The following TTN variants were observed in gnomAD, a reference collection of about 807,000 sequenced individuals.
The protein encoded by TTN is connectin.
TTN carries 1,525 observed loss-of-function variants against 3,223.0 expected under a neutral mutation model. That is an observed-to-expected ratio of 0.47 (90% CI 0.45 to 0.49). The LOEUF (loss-of-function observed/expected upper bound fraction) is 0.49, where lower values mean the gene tolerates loss of function less well. Among genes scored for constraint, TTN ranks in the 20% least tolerant of loss-of-function variants. TTN has a pLI of 0.00. For synonymous variants in TTN, 14,094 were observed against 15,161.0 expected (o/e 0.93, Z 5.17); for missense variants, 40,786 against 43,424.0 (o/e 0.94, Z 5.40).
At position 178,696,128 on chromosome 2, in the gene TTN, T is replaced by A; in HGVS notation, c.30944A>T (p.Glu10315Val). 1 of 1,552,296 alleles carries A rather than the reference T, an allele frequency of 6.4e-7. No individual in the cohort carries two copies. Among genetic ancestry groups the A allele is most frequent in the Non-Finnish European group, 8.7e-7 (1 of 1,147,042 alleles). ...TTCGTCATAAGGTTCTTCGAAAGAT[T>A]CAATGAAGACTCTCTTCTCCTTGTG... ...AVHKEKRVFI[E>V]SFEEPYDELE... Residue 10315 changes from glutamate (E) to valine (V), a missense_variant, in exon 114 of 363, where the codon GAA (glutamate) becomes GTA (valine). By Grantham distance (121) the Glu-to-Val change is moderately radical. Transcript: ENST00000589042.
At chr2:178,778,415 A>ATGCGG in intron 24 of TTN, 1 of 237,132 alleles carries the variant, frequency 4.2e-6, no homozygotes, top group South Asian at 6.1e-5. Context: ...GAATTTGGAA[A>ATGCGG]CAAAACAAAG....
At chr2:178,599,978 G>T in intron 288 of TTN, 128 bp from the exon 289 acceptor site, 1 of 849,332 alleles carries the variant, frequency 1.2e-6, no homozygotes, top group Non-Finnish European at 1.7e-6. Flanking sequence ...CCAATATAAA[G>T]AATGGTTCTG....
rs201652675 is a variant in TTN, at chr2:178,741,648, G to C, written c.11585C>G (p.Pro3862Arg). Reference sequence around the variant, plus strand: ...AAAAACAAATTTGTAGTCAGCAGAAGGGGTTAATAGCACTCCATTAAAGAA... The same window carrying C: ...AAAAACAAATTTGTAGTCAGCAGAACGGGTTAATAGCACTCCATTAAAGAA... ...QWFFNGVLLT[P>R]SADYKFVFDG... Residue 3862 changes from proline to arginine, a missense_variant, in exon 48 of 363, where the codon CCT becomes CGT. Pro to Arg is a moderately radical substitution (Grantham distance 103). Transcript: ENST00000589042. 115 of 1,613,726 alleles carry C rather than the reference G, an allele frequency of 7.1e-5. No individual in the cohort carries two copies. Among genetic ancestry groups the C allele is most frequent in the Non-Finnish European group, 9.7e-5 (115 of 1,179,798 alleles).
rs1703558085 is a variant in TTN at position 178,561,244 on chromosome 2, A to G, written c.84888T>C (p.Asp28296=). Reference sequence around the variant, plus strand: ...TATAATTGCACTTCAGCCACCGGCCATCTGGTAGTTCTCTGCGTTCAACAA... The same window carrying G: ...TATAATTGCACTTCAGCCACCGGCCGTCTGGTAGTTCTCTGCGTTCAACAA... ...GYIVERRELP[D]GRWLKCNYTN... Residue 28296 remains aspartate, a synonymous_variant, in exon 326 of 363, where the codon GAT becomes GAC. Coordinates refer to ENST00000589042, the MANE Select transcript of TTN (RefSeq NM_001267550.2). The G allele has an allele frequency of 6.2e-7, 1 of 1,613,782 alleles. No homozygotes were observed. The highest frequency in any genetic ancestry group is 8.5e-7 in the Non-Finnish European group (1 of 1,179,814).
At position 178,779,547 on chromosome 2, in the gene TTN, T is replaced by C. The variant is rs1337757412; in HGVS notation, c.3730-85A>G. On this transcript the variant is annotated intron_variant, in intron 22 of 362. Transcript: ENST00000589042. ...AGGAGATGTATCTGAGCTAGACTGT[T>C]GAAGTTTTTAGCTGGGAGAAGAATC... The C allele has an allele frequency of 5.3e-6, 5 of 949,834 alleles. No homozygotes were observed. The African/African-American group carries it at 8.4e-5, about 16-fold the overall frequency. 58.8% of individuals were successfully genotyped at this position (949,834 alleles called of 1,614,324 possible).
In TTN at chr2:178,788,645, A is replaced by G. The variant is rs1295155659; in HGVS notation, c.2076+715T>C. 2.0e-5 allele frequency among the ~76,000 whole-genome samples: 3 copies of G among 152,120 alleles called. No individual in the cohort carries two copies. The East Asian group carries it at 5.8e-4, about 29-fold the overall frequency. The stretch of plus-strand genomic sequence containing the variant: ...GTGGTATATTAGCAATAAAGAATAC[A>G]ATTAGGTAAATGGCTCATTTGGAGT... On this transcript the variant is annotated intron_variant, in intron 13 of 362. Coordinates refer to ENST00000589042, the MANE Select transcript of TTN (RefSeq NM_001267550.2).
rs777832511 is a variant in TTN, at chr2:178,715,715, T to G, written c.25699A>C (p.Thr8567Pro). The G allele has an allele frequency of 6.2e-7, 1 of 1,604,132 alleles. No homozygotes were observed. The highest frequency in any genetic ancestry group is 1.1e-5 in the South Asian group (1 of 89,666). Residue 8567 changes from threonine (T) to proline (P), a missense_variant, in exon 89 of 363, where the codon ACA (threonine) becomes CCA (proline). Physicochemically the swap from Thr to Pro is conservative, Grantham distance 38 (BLOSUM62 -1). Transcript: ENST00000589042. Reference protein sequence around the residue: ...PSRIVKQDEFTRYECKIGGSP... With the variant: ...PSRIVKQDEFPRYECKIGGSP... ...CCACCGATTTTGCATTCATACCTTG[T>G]GAATTCATCCTGTTTCACAATTCTT...
In TTN at chr2:178,571,951, T is replaced by C. The variant is rs374889737; in HGVS notation, c.74181A>G (p.Val24727=). The change falls in exon 326 of 363, where the codon GTA becomes GTG. Residue 24727 remains valine (V), a synonymous_variant. Transcript: ENST00000589042. ...CAACTTTTAGGTCTTCACCTGCCAG[T>C]ACAGTGAAAGTATTGAACAGGAGTT... ...AFKLLFNTFT[V]LAGEDLKVDV... 1.2e-6 allele frequency: 2 copies of C among 1,613,220 alleles called. No individual in the cohort carries two copies. Among genetic ancestry groups the C allele is most frequent in the Non-Finnish European group, 1.7e-6 (2 of 1,179,610 alleles).
In TTN at chr2:178,612,333, A is replaced by G; in HGVS notation, c.50192T>C (p.Ile16731Thr). 1 of 1,612,568 alleles carries G rather than the reference A, an allele frequency of 6.2e-7. No homozygotes were observed. The highest frequency in any genetic ancestry group is 8.5e-7 in the Non-Finnish European group (1 of 1,179,176). ...YVFRVAAENA[I>T]GQSDYTEIED... ...AATTTCGGTGTAGTCGCTTTGTCCT[A>G]TAGCATTTTCTGCAGCAACTCGGAA... The change falls in exon 266 of 363, where the codon ATA becomes ACA. Residue 16731 changes from isoleucine (I) to threonine (T), a missense_variant. Ile to Thr is a moderately conservative substitution (Grantham distance 89). Coordinates refer to ENST00000589042, the MANE Select transcript of TTN (RefSeq NM_001267550.2).
chr2:178,719,253 A>G lies in TTN; in HGVS notation c.24137T>C (p.Leu8046Ser), dbSNP rs1553904761. 2 of 1,613,736 alleles carry G rather than the reference A, an allele frequency of 1.2e-6. No individual in the cohort carries two copies. Among genetic ancestry groups the G allele is most frequent in the Middle Eastern group, 1.7e-4 (1 of 6,056 alleles). Residue 8046 changes from leucine to serine, a missense_variant, in exon 83 of 363, where the codon TTG becomes TCG. Leu to Ser is a moderately radical substitution (Grantham distance 145). Coordinates refer to ENST00000589042, the MANE Select transcript of TTN (RefSeq NM_001267550.2). ...TATGCCTGTGTCGGAGGGCTCCAAC[A>G]AGCTCAGATTCAAAGTACAGACGTT... is the stretch of plus-strand genomic sequence containing the variant. ...SENVCTLNLS[L>S]LEPSDTGIYT...
At position 178,560,882 on chromosome 2, in the gene TTN, A is replaced by G; in HGVS notation, c.85250T>C (p.Val28417Ala). ...AGTGTCTCGTCTTATACAGTCTTTA[A>G]CTGTTAACAAAGTATGATTGTCTGT... is the stretch of plus-strand genomic sequence containing the variant. ...ISTDNHTLLT[V>A]KDCIRRDTGQ... is the part of the protein sequence containing the mutation. The change falls in exon 326 of 363, where the codon GTT becomes GCT. Residue 28417 changes from valine to alanine, a missense_variant. By Grantham distance (64) the Val-to-Ala change is moderately conservative. Coordinates refer to ENST00000589042, the MANE Select transcript of TTN (RefSeq NM_001267550.2). The G allele has an allele frequency of 1.2e-6, 2 of 1,613,688 alleles. No individual in the cohort carries two copies. Among genetic ancestry groups the G allele is most frequent in the South Asian group, 1.1e-5 (1 of 91,072 alleles).
intron 117 of TTN, among the ~76,000 whole-genome samples, chr2:178,694,354 C>T (rs966685518): frequency 1.3e-5 from 2 of 152,106 alleles, no homozygotes; most frequent in East Asian, 3.9e-4. Context: ...TAGCAAACTA[C>T]TAATTAAACA....
intron 208 of TTN, 124 bp from the exon 209 acceptor site, chr2:178,650,958 G>T: frequency 9.5e-7 from 1 of 1,050,824 alleles, no homozygotes; most frequent in Non-Finnish European, 1.4e-6. Context: ...TTCACAATAA[G>T]GTCAGTGATC....
intron 300 of TTN, 44 bp downstream of exon 300, chr2:178,592,731 A>T: frequency 6.2e-7 from 1 of 1,612,434 alleles, no homozygotes; most frequent in Middle Eastern, 1.7e-4. Context: ...ATACAATCAG[A>T]CATCTATTTT....
intron 10 of TTN, 28 bp from the exon 11 acceptor site, chr2:178,790,873 G>A: frequency 1.2e-6 from 2 of 1,613,266 alleles, no homozygotes; most frequent in Non-Finnish European, 1.7e-6. Flanking sequence ...ATAAAGATTT[G>A]AGTTTCAAAA....
intron 106 of TTN, 76 bp downstream of exon 106, chr2:178,704,071 G>A: frequency 6.5e-7 from 1 of 1,543,736 alleles, no homozygotes; most frequent in Non-Finnish European, 8.7e-7. Context: ...TCTACAGGTA[G>A]GGTTGCAGGG....
chr2:178,594,676 G>GA (rs747789907), intron 295 of TTN, 30 bp from the exon 296 acceptor site: 2 of 1,523,002 alleles, frequency 1.3e-6, no homozygotes, highest in South Asian at 1.3e-5. Context: ...AATTGTGGTA[G>GA]AAAAAAATGT....
In TTN at chr2:178,552,384, C is replaced by G. The variant is rs962890298; in HGVS notation, c.90516G>C (p.Leu30172=). 5 of 1,590,680 alleles carry G rather than the reference C, an allele frequency of 3.1e-6. No homozygotes were observed. The highest frequency in any genetic ancestry group is 3.4e-4 in the Middle Eastern group (2 of 5,946). ...SISWLKDGLP[L]KESEFVRFSK... ...TGAAGCGAACAAATTCACTTTCTTT[C>G]AGTGGCAAGCCATCTTTCAGCCAAC... The change falls in exon 335 of 363, where the codon CTG becomes CTC. Residue 30172 remains leucine (L), a synonymous_variant. Coordinates refer to ENST00000589042, the MANE Select transcript of TTN (RefSeq NM_001267550.2).
In TTN at chr2:178,557,955, A is replaced by C; in HGVS notation, c.87399T>G (p.Val29133=). The part of the protein sequence containing the change: ...SGTTKAFINI[V]VLDRPGPPTG... Reference sequence around the variant, plus strand: ...TTGGAGGACCAGGCCTGTCTAGCACAACAATGTTAATGAAAGCTTTGGTTG... The same window carrying C: ...TTGGAGGACCAGGCCTGTCTAGCACCACAATGTTAATGAAAGCTTTGGTTG... Residue 29133 remains valine (V), a synonymous_variant, in exon 328 of 363, where the codon GTT becomes GTG. Coordinates refer to ENST00000589042, the MANE Select transcript of TTN (RefSeq NM_001267550.2). The C allele has an allele frequency of 2.5e-6, 4 of 1,613,316 alleles. No homozygotes were observed. Among genetic ancestry groups the C allele is most frequent in the Non-Finnish European group, 3.4e-6 (4 of 1,179,862 alleles).
Sources: allele counts gnomAD v4.1 joint callset (sites outside exome capture counted in the v4.1 genomes callset), GRCh38; gene constraint gnomAD v4.1.1; transcripts MANE v1.5; gene names NCBI Gene and HGNC (gene_info 2026-07-23, HGNC 2026-07-21).